The following SMARCB1 variants were observed in gnomAD, a reference collection of about 807,000 sequenced individuals.
SMARCB1 encodes SWI/SNF related BAF chromatin remodeling complex subunit B1.
A neutral mutation model predicts 49.0 loss-of-function variants in SMARCB1; 5 were observed. That is an observed-to-expected ratio of 0.10 (90% CI 0.05 to 0.21). The LOEUF (loss-of-function observed/expected upper bound fraction) is 0.21, where lower values mean the gene tolerates loss of function less well. SMARCB1 is among the 10% of genes least tolerant of loss of function. The pLI is 1.00. For missense variants in SMARCB1, 226 were observed against 509.2 expected (o/e 0.44, Z 5.35); for synonymous variants, 201 against 200.1 (o/e 1.00, Z -0.04).
intron 3 of SMARCB1, among the ~76,000 whole-genome samples, chr22:23,794,411 A>T (rs1466875792): frequency 6.6e-6 from 1 of 152,218 alleles, no homozygotes; most frequent in African/African-American, 2.4e-5. Flanking sequence ...CGTGGGGCAC[A>T]GTGGCTTATG....
intron 5 of SMARCB1, among the ~76,000 whole-genome samples, chr22:23,804,839 C>G (rs1272536409): frequency 1.3e-5 from 2 of 152,254 alleles, no homozygotes; most frequent in Non-Finnish European, 2.9e-5. Flanking sequence ...CTGCACCCAG[C>G]CTCTTTCTGA....
chr22:23,792,794 C>T (rs903842770), intron 2 of SMARCB1: 2 of 154,522 alleles, frequency 1.3e-5, no homozygotes, highest in Non-Finnish European at 2.9e-5. Flanking sequence ...TTTTGTTCCC[C>T]CTCCTCCCCT....
chr22:23,810,270 T>C (rs1464932346), intron 5 of SMARCB1, among the ~76,000 whole-genome samples: 1 of 151,498 alleles, frequency 6.6e-6, no homozygotes, highest in Non-Finnish European at 1.5e-5. Context: ...CTCCCACCTG[T>C]AATCCCAGCA....
At chr22:23,791,986 C>A in intron 2 of SMARCB1, 92 bp downstream of exon 2, 1 of 1,399,762 alleles carries the variant, frequency 7.1e-7, no homozygotes, top group Non-Finnish European at 1.0e-6. Context: ...GTCTTCACTG[C>A]AGCCTTGGCC....
chr22:23,811,902 T>C (rs1929889403), intron 5 of SMARCB1, among the ~76,000 whole-genome samples: 1 of 152,118 alleles, frequency 6.6e-6, no homozygotes, highest in African/African-American at 2.4e-5. Flanking sequence ...AGCTGGTTTT[T>C]TGAAAAATTA....
chr22:23,807,043 T>C (rs1431192509), intron 5 of SMARCB1, among the ~76,000 whole-genome samples: 1 of 151,960 alleles, frequency 6.6e-6, no homozygotes, highest in Non-Finnish European at 1.5e-5. Flanking sequence ...TCACTGGTGA[T>C]GTATGGTGTC....
intron 4 of SMARCB1, chr22:23,801,796 T>G (rs759756791): frequency 1.5e-5 from 3 of 206,612 alleles, no homozygotes; most frequent in Non-Finnish European, 3.0e-5. Context: ...TTTGGCCATA[T>G]GAGCTGACAG....
chr22:23,804,578 C>G (rs1446793230), intron 5 of SMARCB1, among the ~76,000 whole-genome samples: 8 of 152,190 alleles, frequency 5.3e-5, no homozygotes, highest in Non-Finnish European at 8.8e-5. Flanking sequence ...GAGTCTCACT[C>G]TGTCGCCCAG....
rs114026480 is a variant in SMARCB1, at chr22:23,829,307, C to T, written c.986+3892C>T. Among the ~76,000 whole-genome samples, 812 of 152,298 alleles carry T rather than the reference C, an allele frequency of 5.3e-3. 8 individuals are homozygous for T. The highest frequency in any genetic ancestry group is 0.018 in the African/African-American group (750 of 41,554). On this transcript the variant is annotated intron_variant, in intron 7 of 8. Coordinates refer to ENST00000644036, the MANE Select transcript of SMARCB1 (RefSeq NM_003073.5). ...GCATAGAACCTGGGGTGAGGATGGC[C>T]AGGGCAGGTGCTGATGGGGGACTGC...
At chr22:23,804,725 G>A (rs551691890) in intron 5 of SMARCB1, among the ~76,000 whole-genome samples, 1 of 152,326 alleles carries the variant, frequency 6.6e-6, no homozygotes, top group African/African-American at 2.4e-5. Context: ...TGTATTTTTA[G>A]TAGAGATAGG....
In SMARCB1 at chr22:23,837,153, C is replaced by T; in HGVS notation, c.*2973C>T. 1 of 1,613,864 alleles carries T rather than the reference C, an allele frequency of 6.2e-7. No homozygotes were observed. Among genetic ancestry groups the T allele is most frequent in the Non-Finnish European group, 8.5e-7 (1 of 1,179,890 alleles). ...AGTAGTAGATATGGCCCACCGCAATCCCTGTGAGACAGCCACGGACTGTGG... is the reference window on the plus strand; with the variant it reads ...AGTAGTAGATATGGCCCACCGCAATTCCTGTGAGACAGCCACGGACTGTGG... On this transcript the variant is annotated 3_prime_UTR_variant, in exon 9 of 9. Coordinates refer to ENST00000644036, the MANE Select transcript of SMARCB1 (RefSeq NM_003073.5).
intron 3 of SMARCB1, among the ~76,000 whole-genome samples, chr22:23,797,000 CTTTTT>C (rs1166157626): frequency 1.5e-5 from 2 of 135,394 alleles, no homozygotes; most frequent in Admixed American, 7.3e-5. Flanking sequence ...GGTTGTTTTT[CTTTTT>C]TTTTTTTTTT....
At chr22:23,821,838 C>T (rs1047134314) in intron 6 of SMARCB1, among the ~76,000 whole-genome samples, 2 of 150,068 alleles carry the variant, frequency 1.3e-5, no homozygotes, top group African/African-American at 2.5e-5. Flanking sequence ...GCAACAGGCT[C>T]TTCCCATCTC....
chr22:23,824,994 C>T, intron 6 of SMARCB1: 1 of 591,570 alleles, frequency 1.7e-6, no homozygotes, highest in Non-Finnish European at 3.0e-6. Flanking sequence ...CACTTCAGGG[C>T]CTCCCGAGGG....
Position 23,835,069 on chromosome 22 carries a change from G to A in SMARCB1, c.*889G>A. On this transcript the variant is annotated 3_prime_UTR_variant, in exon 9 of 9. Transcript: ENST00000644036. ...CCACCCCAGCAGGTGCTGTGGCCTG[G>A]GCCAGCTCCTGCCTTACAAGCCAGC... 15 of 1,396,158 alleles carry A rather than the reference G, an allele frequency of 1.1e-5. No homozygotes were observed. Among genetic ancestry groups the A allele is most frequent in the South Asian group, 1.6e-5 (1 of 61,746 alleles). The allele number at this position is 1,396,158 out of a possible 1,614,324, so 86.5% of individuals were successfully genotyped here.
chr22:23,811,519 A>G (rs1410493424), intron 5 of SMARCB1, among the ~76,000 whole-genome samples: 2 of 152,244 alleles, frequency 1.3e-5, no homozygotes, highest in African/African-American at 2.4e-5. Flanking sequence ...AATTTAAAGA[A>G]TTGAAACCAT....
Position 23,827,035 on chromosome 22 carries a change from C to T in SMARCB1, c.986+1620C>T, listed in dbSNP as rs534017233. 2.0e-5 allele frequency among the ~76,000 whole-genome samples: 3 copies of T among 152,348 alleles called. No homozygotes were observed. In the South Asian group the frequency reaches 6.2e-4, roughly 32 times the overall value. On this transcript the variant is annotated intron_variant, in intron 7 of 8. Transcript: ENST00000644036. ...CATTCACCCTGCACAGAGCCAAGCC[C>T]TATGGCCGGAGAGCCAGTCAAGGGT...
At chr22:23,817,091 C>A (rs781168041) in intron 6 of SMARCB1, 155 bp downstream of exon 6, 33 of 668,598 alleles carry the variant, frequency 4.9e-5, no homozygotes, top group Non-Finnish European at 8.1e-5. Context: ...TCCCTGCAAT[C>A]CCCCAGGAAG....
At chr22:23,810,389 A>C (rs1483252737) in intron 5 of SMARCB1, among the ~76,000 whole-genome samples, 1 of 145,448 alleles carries the variant, frequency 6.9e-6, no homozygotes, top group South Asian at 2.2e-4. Flanking sequence ...TTAGCCAGGC[A>C]TGGTGGCGCA....
Sources: gnomAD v4.1 joint callset for allele counts (sites outside exome capture counted in the v4.1 genomes callset) on GRCh38, gnomAD v4.1.1 for gene constraint, MANE v1.5 for transcripts, NCBI Gene and HGNC (gene_info 2026-07-23, HGNC 2026-07-21) for gene names.